Variants in NUP62CL observed in about 807,000 individuals in gnomAD.
NUP62CL encodes the protein nucleoporin-62 C-terminal-like protein.
NUP62CL carries 13 observed loss-of-function variants against 15.3 expected under a neutral mutation model. That is an observed-to-expected ratio of 0.85 (90% CI 0.55 to 1.35). NUP62CL has a LOEUF of 1.35. NUP62CL is among the 40% of genes most tolerant of loss of function. The pLI, the probability that NUP62CL is intolerant of heterozygous loss-of-function variation, is 0.00. For synonymous variants in NUP62CL, 54 were observed against 49.2 expected, an observed-to-expected ratio of 1.10 and a Z score of -0.41; for missense variants, 123 against 130.6, an observed-to-expected ratio of 0.94 and a Z score of 0.28.
chrX:107,192,946 C>T (rs1036546103), intron 2 of NUP62CL, 83 bp downstream of exon 2: 64 of 111,559 alleles, frequency 5.7e-4, no homozygotes, highest in African/African-American at 2.0e-3. Flanking sequence ...CAAATTTAAC[C>T]CTCCTATACC....
chrX:107,173,274 T>C (rs1926693660), intron 3 of NUP62CL, among the ~76,000 whole-genome samples: 1 of 112,036 alleles, frequency 8.9e-6, no homozygotes, highest in African/African-American at 3.2e-5. Context: ...GGCAAATATA[T>C]GGAGATGGAA....
At chrX:107,204,715 AAATT>A (rs1480681531) in intron 1 of NUP62CL, among the ~76,000 whole-genome samples, 8 of 94,920 alleles carry the variant, frequency 8.4e-5, no homozygotes, top group Non-Finnish European at 1.2e-4. Context: ...AATTTTAAAT[AAATT>A]ATTTATTTAA....
At position 107,181,624 on chromosome X, in the gene NUP62CL, C is replaced by T. The variant is rs777769062; in HGVS notation, c.-47-6431G>A. ...TATAAACTTTAAAATCTTGTCAAGT[C>T]CTTCCTTCCTTTCCTTCCCCCAAAG... On this transcript the variant is annotated intron_variant, in intron 2 of 8. Transcript: ENST00000372466. Among the ~76,000 whole-genome samples the T allele has an allele frequency of 5.4e-5, 6 of 110,690 alleles. No individual in the cohort carries two copies. In the East Asian group the frequency reaches 1.7e-3, roughly 31 times the overall value.
intron 7 of NUP62CL, among the ~76,000 whole-genome samples, chrX:107,148,659 T>C: frequency 8.9e-6 from 1 of 111,819 alleles, no homozygotes; most frequent in Non-Finnish European, 1.9e-5. Flanking sequence ...ATCAGGGTAC[T>C]GTTAATATAG....
rs1925336541 is a variant in NUP62CL at position 107,124,307 on chromosome X, C to T, written c.*68G>A. On this transcript the variant is annotated 3_prime_UTR_variant, in exon 9 of 9. Coordinates refer to ENST00000372466, the MANE Select transcript of NUP62CL (RefSeq NM_017681.3). ...GATAATCCTCGAAAACCCGTGTTAC[C>T]ACTTCTACCTTCCTTCGCAGCATGC... 1 of 339,460 alleles carries T rather than the reference C, an allele frequency of 2.9e-6. No individual in the cohort carries two copies. The highest frequency in any genetic ancestry group is 2.7e-5 in the African/African-American group (1 of 37,596). 28.0% of individuals were successfully genotyped at this position (339,460 alleles called of 1,213,427 possible).
intron 2 of NUP62CL, among the ~76,000 whole-genome samples, chrX:107,184,431 T>C (rs1043270382): frequency 4.5e-5 from 5 of 111,373 alleles, no homozygotes; most frequent in Non-Finnish European, 9.4e-5. Context: ...AAATTTGTAA[T>C]AGATGAAATG....
chrX:107,143,802 A>T (rs917862756), intron 8 of NUP62CL, among the ~76,000 whole-genome samples: 18 of 112,010 alleles, frequency 1.6e-4, no homozygotes, highest in Non-Finnish European at 3.2e-4. Context: ...TTACTCAAAA[A>T]ACTTTTCAGT....
At chrX:107,134,540 G>A (rs888173710) in intron 8 of NUP62CL, among the ~76,000 whole-genome samples, 2 of 111,446 alleles carry the variant, frequency 1.8e-5, no homozygotes, top group Admixed American at 9.5e-5. Flanking sequence ...TGCAACCTCC[G>A]CCTCCTGGGC....
At chrX:107,180,504 TACTG>T (rs778630597) in intron 2 of NUP62CL, among the ~76,000 whole-genome samples, 1 of 112,218 alleles carries the variant, frequency 8.9e-6, no homozygotes, top group Admixed American at 9.5e-5. Context: ...GTTCTCTATG[TACTG>T]ACTAATGTGA....
intron 1 of NUP62CL, among the ~76,000 whole-genome samples, chrX:107,196,196 CA>C (rs1301580915): frequency 9.0e-6 from 1 of 111,531 alleles, no homozygotes; most frequent in African/African-American, 3.2e-5. Context: ...AGAAATAAAA[CA>C]AAAAAATCAC....
intron 4 of NUP62CL, among the ~76,000 whole-genome samples, chrX:107,162,488 G>GA (rs1318645876): frequency 2.7e-5 from 3 of 110,860 alleles, no homozygotes; most frequent in Non-Finnish European, 3.8e-5. Context: ...CAACCAGAAA[G>GA]AAAAAAATGC....
intron 2 of NUP62CL, among the ~76,000 whole-genome samples, chrX:107,185,572 A>T (rs993420039): frequency 4.5e-5 from 5 of 111,213 alleles, no homozygotes; most frequent in African/African-American, 1.6e-4. Context: ...ATCTAGAGTG[A>T]CCGTAAAAGC....
intron 1 of NUP62CL, among the ~76,000 whole-genome samples, chrX:107,199,177 A>G (rs1389050435): frequency 9.0e-6 from 1 of 111,684 alleles, no homozygotes; most frequent in Non-Finnish European, 1.9e-5. Context: ...CCTTACCTTC[A>G]TTACCTAACA....
intron 8 of NUP62CL, among the ~76,000 whole-genome samples, chrX:107,133,691 G>A (rs1025391491): frequency 9.8e-5 from 11 of 112,372 alleles, no homozygotes; most frequent in Non-Finnish European, 1.9e-4. Flanking sequence ...CTGTGATCCC[G>A]GCACTTTGGG....
chrX:107,177,007 T>C (rs1926801982), intron 2 of NUP62CL, among the ~76,000 whole-genome samples: 1 of 98,059 alleles, frequency 1.0e-5, no homozygotes, highest in Admixed American at 1.1e-4. Flanking sequence ...CACATGTGGA[T>C]TGAAAAGAAA....
At chrX:107,195,036 C>T (rs1392350041) in intron 1 of NUP62CL, among the ~76,000 whole-genome samples, 2 of 109,399 alleles carry the variant, frequency 1.8e-5, no homozygotes, top group East Asian at 5.8e-4. Context: ...AGGCTGGTCT[C>T]GAACTCCTGA....
intron 7 of NUP62CL, chrX:107,151,062 T>C: frequency 6.8e-6 from 2 of 293,975 alleles, no homozygotes. Flanking sequence ...CAATTGGATT[T>C]GCCCTAATTC....
chrX:107,135,849 T>C (rs754774710), intron 8 of NUP62CL, among the ~76,000 whole-genome samples: 2 of 111,071 alleles, frequency 1.8e-5, no homozygotes, highest in East Asian at 5.6e-4. Flanking sequence ...TTTTAAATTG[T>C]GCACCATTCT....
chrX:107,161,313 C>T (rs1440393572), intron 4 of NUP62CL, among the ~76,000 whole-genome samples: 2 of 102,499 alleles, frequency 2.0e-5, no homozygotes, highest in Admixed American at 2.2e-4. Context: ...AATCACGCTG[C>T]TATAAAGACA....
Sources: allele counts gnomAD v4.1 joint callset (sites outside exome capture counted in the v4.1 genomes callset), GRCh38; gene constraint gnomAD v4.1.1; transcripts MANE v1.5; gene names NCBI Gene and HGNC (gene_info 2026-07-23, HGNC 2026-07-21).